RUNX1T1: variants seen among roughly 807,000 people sequenced by gnomAD.
RUNX1T1 encodes RUNX1 partner transcriptional co-repressor 1.
RUNX1T1 carries 4 observed loss-of-function variants against 62.8 expected under a neutral mutation model. The observed-to-expected ratio is 0.06, with a 90% CI of 0.03 to 0.15. The LOEUF is 0.15. Among genes scored for constraint, RUNX1T1 ranks in the 10% least tolerant of loss-of-function variants. The probability of loss-of-function intolerance (pLI) is 1.00; values close to 1 mark genes in which losing one functional copy is unlikely to be tolerated. For synonymous variants in RUNX1T1, 291 were observed against 286.0 expected, an observed-to-expected ratio of 1.02 and a Z score of -0.18; for missense variants, 508 against 754.3, an observed-to-expected ratio of 0.67 and a Z score of 3.82.
At chr8:92,067,699 G>A (rs1833071889), upstream of RUNX1T1, among the ~76,000 whole-genome samples, 1 of 152,154 alleles carries the variant, frequency 6.6e-6, no homozygotes, top group African/African-American at 2.4e-5. Context: ...ATGTGTATTA[G>A]TATATTTAAG....
chr8:92,074,453 A>T (rs919184470), intron 2 of RUNX1T1, among the ~76,000 whole-genome samples: 1 of 152,138 alleles, frequency 6.6e-6, no homozygotes, highest in Non-Finnish European at 1.5e-5. Flanking sequence ...TGCATCTTAG[A>T]TATCTTTATC....
At position 91,986,879 on chromosome 8, in the gene RUNX1T1, T is replaced by A. The variant is rs771275203; in HGVS notation, c.996+8A>T. The A allele has an allele frequency of 1.3e-6, 2 of 1,539,732 alleles. No homozygotes were observed. The highest frequency in any genetic ancestry group is 1.8e-6 in the Non-Finnish European group (2 of 1,113,048). ...TTTTTTAATCCCAAATGATTACTGA[T>A]GTCTTACATGGTCAAGATGTTTCCA... On this transcript the variant is annotated splice_region_variant and intron_variant, in intron 7 of 10. Coordinates refer to ENST00000396218, the Ensembl canonical transcript of RUNX1T1.
intron 2 of RUNX1T1, among the ~76,000 whole-genome samples, chr8:92,072,637 G>C (rs141442080): frequency 4.9e-4 from 74 of 152,310 alleles, no homozygotes; most frequent in African/African-American, 1.8e-3. Flanking sequence ...AATTCCTATA[G>C]AGGCAAAGAG....
intron 1 of RUNX1T1, among the ~76,000 whole-genome samples, chr8:92,028,193 ATTCT>A (rs1296162251): frequency 6.6e-5 from 9 of 137,132 alleles, no homozygotes; most frequent in Non-Finnish European, 1.3e-4. Flanking sequence ...CATATTAGTA[ATTCT>A]TTTTTTTTTT....
At chr8:92,035,767 C>T (rs1563813584) in intron 1 of RUNX1T1, among the ~76,000 whole-genome samples, 1 of 141,888 alleles carries the variant, frequency 7.0e-6, no homozygotes, top group Non-Finnish European at 1.5e-5. Context: ...CAGGAAATAT[C>T]TGCATATATA....
At chr8:92,007,587 C>T (rs987711137) in intron 4 of RUNX1T1, among the ~76,000 whole-genome samples, 31 of 152,032 alleles carry the variant, frequency 2.0e-4, no homozygotes, top group African/African-American at 6.8e-4. Flanking sequence ...GTACTTAAAC[C>T]TAGTACTACA....
chr8:92,033,535 G>A (rs1181264701), intron 1 of RUNX1T1, among the ~76,000 whole-genome samples: 3 of 152,084 alleles, frequency 2.0e-5, no homozygotes, highest in East Asian at 1.9e-4. Context: ...CTGTAATCTC[G>A]GCACTTTCGG....
intron 1 of RUNX1T1, among the ~76,000 whole-genome samples, chr8:92,040,051 A>G (rs1218033611): frequency 6.6e-6 from 1 of 152,162 alleles, no homozygotes; most frequent in Non-Finnish European, 1.5e-5. Context: ...ACTTCTACTT[A>G]TAAGACTTGA....
chr8:92,000,422 G>C (rs1819540452), intron 5 of RUNX1T1, among the ~76,000 whole-genome samples: 1 of 152,062 alleles, frequency 6.6e-6, no homozygotes, highest in Non-Finnish European at 1.5e-5. Context: ...ATACATAATA[G>C]ATGCAACACA....
downstream of RUNX1T1, chr8:91,955,395 A>G (rs1409645751): frequency 4.4e-6 from 1 of 226,652 alleles, no homozygotes; most frequent in Non-Finnish European, 8.8e-6. Context: ...TCTTCTGTGG[A>G]AAAAAAGAGT....
intron 10 of RUNX1T1, among the ~76,000 whole-genome samples, chr8:91,968,222 T>A (rs1202257338): frequency 6.6e-6 from 1 of 152,032 alleles, no homozygotes; most frequent in Non-Finnish European, 1.5e-5. Flanking sequence ...CAGATGAACA[T>A]GGCCTTTAAG....
At chr8:91,975,759 T>G in intron 9 of RUNX1T1, 146 bp downstream of exon 10, 1 of 613,950 alleles carries the variant, frequency 1.6e-6, no homozygotes, top group Non-Finnish European at 3.0e-6. Context: ...TCAGGTGTTT[T>G]GTTTAGTGGT....
chr8:91,959,592 T>C (rs1390296756), exon 11 of RUNX1T1: 1 of 219,254 alleles, frequency 4.6e-6, no homozygotes, highest in Non-Finnish European at 9.2e-6. Context: ...CTTTCATTTT[T>C]CATTCTGTTG....
upstream of RUNX1T1, chr8:92,102,972 C>T (rs1657528612): frequency 6.3e-6 from 9 of 1,420,254 alleles, no homozygotes; most frequent in South Asian, 2.7e-5. This position sits in a 1 kb window ranked among gnomAD's most constrained non-coding sequence, Gnocchi z 4.5. Flanking sequence ...CGCGGCTTCC[C>T]TCGCGAGGCC....
chr8:91,970,120 A>G lies in RUNX1T1; in HGVS notation c.1458+538T>C, dbSNP rs182204033. ...TTACCTCTAGCAGCAATGTTATGCT[A>G]TGAAATGACCATCATATGGGTTACC... On this transcript the variant is annotated intron_variant, in intron 10 of 10. Coordinates refer to ENST00000396218, the Ensembl canonical transcript of RUNX1T1. 3.6e-4 allele frequency among the ~76,000 whole-genome samples: 54 copies of G among 151,936 alleles called. 1 individual carries two copies. The highest frequency in any genetic ancestry group is 1.3e-3 in the African/African-American group (52 of 41,414).
Position 91,993,606 on chromosome 8 carries a change from T to C in RUNX1T1, c.660-1717A>G, listed in dbSNP as rs1422972207. Among the ~76,000 whole-genome samples, 3 of 152,192 alleles carry C rather than the reference T, an allele frequency of 2.0e-5. No individual in the cohort carries two copies. In the East Asian group the frequency reaches 5.8e-4, roughly 29 times the overall value. ...AAACAAATTAAGAGGCAATCTAATTTATACTTTACCCTATCTCAGGCTTTT... is the reference window on the plus strand; with the variant it reads ...AAACAAATTAAGAGGCAATCTAATTCATACTTTACCCTATCTCAGGCTTTT... On this transcript the variant is annotated intron_variant, in intron 5 of 10. Coordinates refer to ENST00000396218, the Ensembl canonical transcript of RUNX1T1.
At chr8:92,057,399 G>A (rs541755304) in intron 1 of RUNX1T1, among the ~76,000 whole-genome samples, 1 of 152,256 alleles carries the variant, frequency 6.6e-6, no homozygotes, top group Admixed American at 6.5e-5. Flanking sequence ...TGGGCAAACT[G>A]CTTAATTTAT....
At chr8:92,001,013 T>C (rs184366382) in intron 5 of RUNX1T1, among the ~76,000 whole-genome samples, 1 of 152,236 alleles carries the variant, frequency 6.6e-6, no homozygotes, top group Admixed American at 6.5e-5. Context: ...ATTTGGGCCT[T>C]AGTTTGTGCA....
chr8:92,034,789 TACATATATAC>T (rs1353117870), intron 1 of RUNX1T1, among the ~76,000 whole-genome samples: 1 of 89,394 alleles, frequency 1.1e-5, no homozygotes, highest in African/African-American at 4.1e-5. Context: ...CATATATATA[TACATATATAC>T]ACACACACAC....
Sources: gnomAD v4.1 joint callset for allele counts (sites outside exome capture counted in the v4.1 genomes callset) on GRCh38, gnomAD v4.1.1 for gene constraint, Gnocchi (gnomAD v3.1) non-coding constraint, MANE v1.5 for transcripts, NCBI Gene and HGNC (gene_info 2026-07-23, HGNC 2026-07-21) for gene names.